Variants in LRRTM4 observed in about 807,000 individuals in gnomAD.
LRRTM4 encodes the protein leucine rich repeat transmembrane neuronal 4, also known as leucine-rich repeat transmembrane neuronal protein 4.
Under a neutral mutation model 47.6 loss-of-function variants are expected in LRRTM4, and 25 were observed. That is an observed-to-expected ratio of 0.53 (90% CI 0.38 to 0.73). The LOEUF (loss-of-function observed/expected upper bound fraction) is 0.73, where lower values mean the gene tolerates loss of function less well. LRRTM4 is among the 30% of genes least tolerant of loss of function. The pLI, the probability that LRRTM4 is intolerant of heterozygous loss-of-function variation, is 0.00. For synonymous variants in LRRTM4, 311 were observed against 269.5 expected (o/e 1.15, Z -1.51); for missense variants, 638 against 713.4 (o/e 0.89, Z 1.20).
chr2:76,804,165 C>T (rs1675844932), intron 3 of LRRTM4, among the ~76,000 whole-genome samples: 1 of 152,072 alleles, frequency 6.6e-6, no homozygotes, highest in Non-Finnish European at 1.5e-5. Flanking sequence ...TCCAAGTCTT[C>T]CTACTAAACC....
chr2:76,778,597 G>A lies in LRRTM4; in HGVS notation c.1552-29681C>T, dbSNP rs200314621. ...TGGTAGTTTGTATTTCTGTGGGATC[G>A]GTGGTGATATCCCCTTTATCATTTT... On this transcript the variant is annotated intron_variant, in intron 3 of 3. Coordinates refer to ENST00000409884, the MANE Select transcript of LRRTM4 (RefSeq NM_001134745.3). 1.5e-3 allele frequency among the ~76,000 whole-genome samples: 231 copies of A among 151,914 alleles called. 1 individual carries two copies. The highest frequency in any genetic ancestry group is 6.8e-3 in the Middle Eastern group (2 of 294).
intron 3 of LRRTM4, among the ~76,000 whole-genome samples, chr2:77,449,863 G>T (rs1000878687): frequency 3.3e-5 from 5 of 152,128 alleles, no homozygotes; most frequent in African/African-American, 1.2e-4. Context: ...TCTCTCCAGC[G>T]CTGCTGTTAA....
intron 3 of LRRTM4, among the ~76,000 whole-genome samples, chr2:77,469,700 T>A (rs1213458844): frequency 1.3e-5 from 2 of 151,250 alleles, no homozygotes; most frequent in Non-Finnish European, 2.9e-5. Flanking sequence ...GAATTTTTTT[T>A]ATCTGTATAG....
Position 77,229,131 on chromosome 2 carries a change from A to G in LRRTM4, c.1551+289187T>C, listed in dbSNP as rs1319015235. On this transcript the variant is annotated intron_variant, in intron 3 of 3. Transcript: ENST00000409884. ...CTTCTTAATTAATTTCCAAAATATC[A>G]CATTCTTGTTTATTTTCCTACCTAC... Among the ~76,000 whole-genome samples, 5 of 151,972 alleles carry G rather than the reference A, an allele frequency of 3.3e-5. No homozygotes were observed. In the East Asian group the frequency reaches 9.6e-4, roughly 29 times the overall value.
intron 3 of LRRTM4, among the ~76,000 whole-genome samples, chr2:77,031,746 T>C (rs913496878): frequency 3.3e-5 from 5 of 152,110 alleles, no homozygotes; most frequent in Non-Finnish European, 7.4e-5. Flanking sequence ...TGTGTGCGTG[T>C]GTGTGACAGA....
intron 3 of LRRTM4, among the ~76,000 whole-genome samples, chr2:77,253,741 A>G (rs1005437790): frequency 3.3e-5 from 5 of 152,124 alleles, no homozygotes; most frequent in Admixed American, 6.6e-5. Flanking sequence ...AATAGAATAT[A>G]TAAAAAAGAA....
chr2:76,971,851 G>T (rs921941455), intron 3 of LRRTM4, among the ~76,000 whole-genome samples: 22 of 151,614 alleles, frequency 1.5e-4, no homozygotes, highest in Non-Finnish European at 2.9e-5. Flanking sequence ...ACAAAACATA[G>T]AACAACATCT....
Position 77,171,185 on chromosome 2 carries a change from A to C in LRRTM4, c.1551+347133T>G, listed in dbSNP as rs186554830. On this transcript the variant is annotated intron_variant, in intron 3 of 3. Transcript: ENST00000409884. The stretch of plus-strand genomic sequence containing the variant: ...CAATGCTTGGTTTCCCTTGGAAAGC[A>C]ACGAGATTTAGCATGCTAGTTTACT... 2.6e-5 allele frequency among the ~76,000 whole-genome samples: 4 copies of C among 152,254 alleles called. No homozygotes were observed. The East Asian group carries it at 5.8e-4, about 22-fold the overall frequency.
At chr2:77,147,231 T>C (rs1411734860) in intron 3 of LRRTM4, among the ~76,000 whole-genome samples, 1 of 152,214 alleles carries the variant, frequency 6.6e-6, no homozygotes, top group Non-Finnish European at 1.5e-5. Flanking sequence ...ACTCAAGTGC[T>C]CTTCGCTTAA....
chr2:76,957,739 CA>C (rs1305624976), intron 3 of LRRTM4, among the ~76,000 whole-genome samples: 1 of 151,578 alleles, frequency 6.6e-6, no homozygotes, highest in Non-Finnish European at 1.5e-5. Context: ...TTTCTATTAA[CA>C]GGGTGTAAAA....
chr2:77,051,228 C>G (rs916892194), intron 3 of LRRTM4, among the ~76,000 whole-genome samples: 2 of 151,898 alleles, frequency 1.3e-5, no homozygotes, highest in Admixed American at 6.6e-5. Context: ...CAACAAAGAA[C>G]TATCTAGTTC....
intron 3 of LRRTM4, among the ~76,000 whole-genome samples, chr2:76,856,331 TA>T (rs1375489122): frequency 2.6e-5 from 4 of 152,036 alleles, no homozygotes; most frequent in African/African-American, 4.8e-5. Context: ...AAAAGAAGGG[TA>T]TTTTTATCAG....
chr2:76,801,168 T>C (rs1675656339), intron 3 of LRRTM4, among the ~76,000 whole-genome samples: 1 of 152,158 alleles, frequency 6.6e-6, no homozygotes, highest in Non-Finnish European at 1.5e-5. Flanking sequence ...ACTGGGTATA[T>C]ACCCAAATGC....
At chr2:77,139,928 G>T (rs1397824942) in intron 3 of LRRTM4, among the ~76,000 whole-genome samples, 1 of 152,072 alleles carries the variant, frequency 6.6e-6, no homozygotes. Context: ...GGATGTGAAG[G>T]ACCTCTTCAA....
chr2:77,217,637 T>C (rs1477899678), intron 3 of LRRTM4, among the ~76,000 whole-genome samples: 2 of 151,704 alleles, frequency 1.3e-5, no homozygotes, highest in Non-Finnish European at 2.9e-5. Flanking sequence ...TGCTGAAATG[T>C]TCCATGTCCC....
At chr2:77,390,989 A>C (rs2103814159) in intron 3 of LRRTM4, among the ~76,000 whole-genome samples, 1 of 152,080 alleles carries the variant, frequency 6.6e-6, no homozygotes, top group Middle Eastern at 3.4e-3. Context: ...CTGTCTGCTT[A>C]AATTTTTAAG....
chr2:76,805,380 C>T (rs530685404), intron 3 of LRRTM4, among the ~76,000 whole-genome samples: 1 of 152,056 alleles, frequency 6.6e-6, no homozygotes. Flanking sequence ...AAAGAAAAAA[C>T]TACTTAAATA....
intron 3 of LRRTM4, among the ~76,000 whole-genome samples, chr2:76,864,613 T>C (rs758555825): frequency 9.2e-5 from 14 of 151,508 alleles, no homozygotes; most frequent in Non-Finnish European, 1.9e-4. Flanking sequence ...TGAGCCGAGA[T>C]TGTGCCATTG....
chr2:76,939,621 T>TA, intron 3 of LRRTM4, among the ~76,000 whole-genome samples: 1 of 152,124 alleles, frequency 6.6e-6, no homozygotes, highest in East Asian at 1.9e-4. Flanking sequence ...TTACTTGTTA[T>TA]AAAAAATATC....
Sources: gnomAD v4.1 joint callset for allele counts (sites outside exome capture counted in the v4.1 genomes callset) on GRCh38, gnomAD v4.1.1 for gene constraint, MANE v1.5 for transcripts, NCBI Gene and HGNC (gene_info 2026-07-23, HGNC 2026-07-21) for gene names.